AKT3: variants seen among roughly 807,000 people sequenced by gnomAD.
AKT3 encodes the protein RAC-gamma serine/threonine-protein kinase.
Under a neutral mutation model 65.3 loss-of-function variants are expected in AKT3, and 15 were observed. The observed-to-expected ratio is 0.23, with a 90% CI of 0.15 to 0.35. The LOEUF is 0.35. Ranked by LOEUF, AKT3 falls within the 10% of genes least tolerant of loss-of-function variation. The pLI is 1.00. For missense variants in AKT3, 243 were observed against 576.5 expected (o/e 0.42, Z 5.92); for synonymous variants, 206 against 183.8 (o/e 1.12, Z -0.98).
At chr1:243,686,544 C>T (rs1453026936) in intron 3 of AKT3, among the ~76,000 whole-genome samples, 2 of 142,616 alleles carry the variant, frequency 1.4e-5, no homozygotes, top group South Asian at 2.3e-4. Flanking sequence ...GGAATGATTG[C>T]CAGTTAATTC....
chr1:243,536,107 TA>T (rs111617486), intron 12 of AKT3, among the ~76,000 whole-genome samples: 26,894 of 152,106 alleles, frequency 0.18, 5,635 homozygotes, highest in African/African-American at 0.51. Context: ...GAGTTCTTTA[TA>T]AGATTCTGGG....
chr1:243,499,630 T>G, downstream of AKT3: 2 of 777,570 alleles, frequency 2.6e-6, no homozygotes, highest in South Asian at 2.9e-5. Flanking sequence ...TTCCACATTT[T>G]TAGCAACAGG....
intron 12 of AKT3, among the ~76,000 whole-genome samples, chr1:243,538,587 G>A (rs567949210): frequency 6.6e-6 from 1 of 152,154 alleles, no homozygotes; most frequent in Admixed American, 6.6e-5. Context: ...ATAATGATGG[G>A]AAAAGATATA....
intron 2 of AKT3, among the ~76,000 whole-genome samples, chr1:243,745,948 A>C (rs1327483783): frequency 6.6e-6 from 1 of 152,234 alleles, no homozygotes; most frequent in Non-Finnish European, 1.5e-5. Flanking sequence ...ATAGTTTCCA[A>C]AACTCAATGC....
chr1:243,535,288 T>G (rs1380141277), intron 12 of AKT3, among the ~76,000 whole-genome samples: 1 of 150,202 alleles, frequency 6.7e-6, no homozygotes, highest in Admixed American at 6.6e-5. Flanking sequence ...TGTATAATGG[T>G]AAACTCTGGG....
In AKT3 at chr1:243,642,511, G is replaced by T. The variant is rs2631038; in HGVS notation, c.429+3382C>A. 3.3e-3 allele frequency among the ~76,000 whole-genome samples: 502 copies of T among 151,906 alleles called. 1 individual carries two copies. Among genetic ancestry groups the T allele is most frequent in the Middle Eastern group, 6.8e-3 (2 of 294 alleles). On this transcript the variant is annotated intron_variant, in intron 5 of 13. Transcript: ENST00000673466. ...TTTTTAGTAGAGACGGGGTTTCACCGTGTTAGCCAGGATGGTCTCGATCTC... is the reference window on the plus strand; with the variant it reads ...TTTTTAGTAGAGACGGGGTTTCACCTTGTTAGCCAGGATGGTCTCGATCTC...
At chr1:243,813,608 A>G (rs1693324084) in intron 2 of AKT3, among the ~76,000 whole-genome samples, 1 of 152,196 alleles carries the variant, frequency 6.6e-6, no homozygotes, top group Non-Finnish European at 1.5e-5. Flanking sequence ...ATAACCAAAT[A>G]TAGTGTAAGG....
intron 4 of AKT3, among the ~76,000 whole-genome samples, chr1:243,660,762 A>C (rs2147903062): frequency 6.6e-6 from 1 of 152,316 alleles, no homozygotes; most frequent in East Asian, 1.9e-4. Context: ...GAAAAGAGGA[A>C]GTCAAATTGT....
intron 6 of AKT3, among the ~76,000 whole-genome samples, chr1:243,621,546 C>T (rs1678753309): frequency 6.6e-6 from 1 of 152,184 alleles, no homozygotes. Context: ...GGCTCTAATA[C>T]AGGATATATG....
intron 6 of AKT3, among the ~76,000 whole-genome samples, chr1:243,632,762 T>G (rs1258855807): frequency 6.6e-6 from 1 of 152,228 alleles, no homozygotes; most frequent in Non-Finnish European, 1.5e-5. Context: ...AGCTTCTGTG[T>G]CAGCACTTGT....
intron 2 of AKT3, among the ~76,000 whole-genome samples, chr1:243,835,193 T>G (rs1455982372): frequency 6.6e-6 from 1 of 152,206 alleles, no homozygotes; most frequent in Non-Finnish European, 1.5e-5. Flanking sequence ...ATATCTGGCC[T>G]CTACCCACTA....
chr1:243,655,088 TTA>T (rs1263450210), intron 4 of AKT3, among the ~76,000 whole-genome samples: 3 of 152,166 alleles, frequency 2.0e-5, no homozygotes, highest in Non-Finnish European at 4.4e-5. Context: ...CGCATTGTTT[TTA>T]TCTTACATTC....
intron 4 of AKT3, among the ~76,000 whole-genome samples, chr1:243,658,226 G>A (rs1391606251): frequency 6.6e-6 from 1 of 152,110 alleles, no homozygotes; most frequent in Non-Finnish European, 1.5e-5. Context: ...TATTCAAAAT[G>A]TATAGGGAAC....
chr1:243,836,877 A>C (rs1395006891), intron 2 of AKT3, among the ~76,000 whole-genome samples: 1 of 148,726 alleles, frequency 6.7e-6, no homozygotes, highest in Non-Finnish European at 1.5e-5. Context: ...GCGCCACTGC[A>C]CTCCAGCTTG....
chr1:243,601,958 C>A lies in AKT3; in HGVS notation c.696+11713G>T, dbSNP rs562643229. The stretch of plus-strand genomic sequence containing the variant: ...TTGAAATACCCACTCTGTGGTAAGC[C>A]AGCCTTTGTGTAAGAAGTTTGACTA... On this transcript the variant is annotated intron_variant, in intron 8 of 13. Transcript: ENST00000673466. Among the ~76,000 whole-genome samples, 11 of 152,204 alleles carry A rather than the reference C, an allele frequency of 7.2e-5. 1 individual carries two copies. In the South Asian group the frequency reaches 2.1e-3, roughly 29 times the overall value.
At chr1:243,600,049 CATTT>C (rs1313798856) in intron 8 of AKT3, among the ~76,000 whole-genome samples, 2 of 151,930 alleles carry the variant, frequency 1.3e-5, no homozygotes, top group Non-Finnish European at 2.9e-5. Flanking sequence ...ACTGATAAAC[CATTT>C]ATAACTTAAA....
intron 2 of AKT3, among the ~76,000 whole-genome samples, chr1:243,778,430 C>T (rs1443170008): frequency 6.6e-6 from 1 of 152,090 alleles, no homozygotes; most frequent in African/African-American, 2.4e-5. Flanking sequence ...GAAGAAGATA[C>T]AGGTAAAGCA....
rs115425755 is a variant in AKT3, at chr1:243,627,863, C to T, written c.561+9748G>A. On this transcript the variant is annotated intron_variant, in intron 6 of 13. Coordinates refer to ENST00000673466, the MANE Select transcript of AKT3 (RefSeq NM_005465.7). ...CTGGGGACTAGTGCTAAATCCAATC[C>T]GTAAAACTACCTGAAAGGACACATA... Among the ~76,000 whole-genome samples, 793 of 152,248 alleles carry T rather than the reference C, an allele frequency of 5.2e-3. 12 individuals are homozygous for T. The highest frequency in any genetic ancestry group is 0.018 in the African/African-American group (749 of 41,544).
intron 12 of AKT3, among the ~76,000 whole-genome samples, chr1:243,513,718 C>G (rs918743465): frequency 6.6e-6 from 1 of 152,180 alleles, no homozygotes; most frequent in Admixed American, 6.5e-5. Context: ...TCATGATTAG[C>G]AAGCACTCCT....
Sources: allele counts gnomAD v4.1 joint callset (sites outside exome capture counted in the v4.1 genomes callset), GRCh38; gene constraint gnomAD v4.1.1; transcripts MANE v1.5; gene names NCBI Gene and HGNC (gene_info 2026-07-23, HGNC 2026-07-21).